RAB7A: variants seen among roughly 807,000 people sequenced by gnomAD.
The protein encoded by RAB7A is RAB7A, member RAS oncogene family.
In RAB7A, 2 loss-of-function variants were observed where a neutral mutation model predicts 24.5. That is an observed-to-expected ratio of 0.08 (90% CI 0.03 to 0.26). RAB7A has a LOEUF of 0.26. RAB7A is among the 10% of genes least tolerant of loss of function. The probability of loss-of-function intolerance (pLI) is 1.00; values close to 1 mark genes in which losing one functional copy is unlikely to be tolerated. For synonymous variants in RAB7A, 100 were observed against 95.9 expected (o/e 1.04, Z -0.25); for missense variants, 118 against 255.7 (o/e 0.46, Z 3.67).
At chr3:128,738,121 C>G (rs938375770) in intron 1 of RAB7A, among the ~76,000 whole-genome samples, 1 of 152,054 alleles carries the variant, frequency 6.6e-6, no homozygotes, top group African/African-American at 2.4e-5. Context: ...CAGCCTTGAC[C>G]TCTTGAGCTC....
intron 1 of RAB7A, among the ~76,000 whole-genome samples, chr3:128,727,453 C>G (rs1028792817): frequency 6.6e-6 from 1 of 152,236 alleles, no homozygotes; most frequent in African/African-American, 2.4e-5. Context: ...CACCTCCTTT[C>G]TTTCTATTGA....
chr3:128,763,208 A>ATATATATATAT (rs373993932), intron 1 of RAB7A, among the ~76,000 whole-genome samples: 3 of 76,062 alleles, frequency 3.9e-5, no homozygotes, highest in African/African-American at 2.4e-4. Flanking sequence ...ATATATATAT[A>ATATATATATAT]TTTTTTTTTT....
intron 1 of RAB7A, among the ~76,000 whole-genome samples, chr3:128,736,634 A>G (rs1011149332): frequency 9.2e-5 from 14 of 152,218 alleles, no homozygotes; most frequent in African/African-American, 3.1e-4. Flanking sequence ...AATCCAGCAC[A>G]TACAGATAAA....
At chr3:128,785,418 A>C in intron 1 of RAB7A, 1 of 152,190 alleles carries the variant, frequency 6.6e-6, no homozygotes, top group East Asian at 1.9e-4. Flanking sequence ...ACTGCACTCC[A>C]ACCTGGACAA....
At position 128,799,667 on chromosome 3, in the gene RAB7A, A is replaced by G. The variant is rs536243153; in HGVS notation, c.180+1598A>G. Among the ~76,000 whole-genome samples the G allele has an allele frequency of 2.0e-5, 3 of 152,336 alleles. No individual in the cohort carries two copies. In the East Asian group the frequency reaches 5.8e-4, roughly 29 times the overall value. ...ACACATACACCTAGAGATCTTCAAA[A>G]TGTAACTACAGTTTAAGCAAGTCAA... On this transcript the variant is annotated intron_variant, in intron 3 of 5. Coordinates refer to ENST00000265062, the MANE Select transcript of RAB7A (RefSeq NM_004637.6).
At chr3:128,795,851 A>T (rs1933561901) in intron 2 of RAB7A, among the ~76,000 whole-genome samples, 1 of 144,496 alleles carries the variant, frequency 6.9e-6, no homozygotes, top group Admixed American at 7.3e-5. Context: ...TCCCGGATTC[A>T]CGCCATTCTC....
chr3:128,812,112 A>G (rs999461275), intron 5 of RAB7A, among the ~76,000 whole-genome samples: 6 of 152,262 alleles, frequency 3.9e-5, no homozygotes, highest in Non-Finnish European at 8.8e-5. Context: ...ACTAAAAACC[A>G]TTGAATTGTA....
At position 128,763,213 on chromosome 3, in the gene RAB7A, T is replaced by A. The variant is rs1356128277; in HGVS notation, c.-8-32147T>A. On this transcript the variant is annotated intron_variant, in intron 1 of 5. Transcript: ENST00000265062. ...TTATATATATATATATATATATTTT[T>A]TTTTTTTTTTTTTTTTTTTGAGACG... 8.0e-4 allele frequency among the ~76,000 whole-genome samples: 94 copies of A among 116,810 alleles called. 1 individual carries two copies. In the East Asian group the frequency reaches 0.014, roughly 17 times the overall value. The allele number at this position is 116,810 out of a possible 152,430, so 76.6% of individuals were successfully genotyped here.
intron 1 of RAB7A, among the ~76,000 whole-genome samples, chr3:128,767,697 A>G (rs2107599290): frequency 6.6e-6 from 1 of 152,302 alleles, no homozygotes; most frequent in East Asian, 1.9e-4. Context: ...AGGTGCTAAC[A>G]CAACACAAGG....
At chr3:128,754,774 A>G (rs1312679224) in intron 1 of RAB7A, among the ~76,000 whole-genome samples, 5 of 152,316 alleles carry the variant, frequency 3.3e-5, no homozygotes, top group Non-Finnish European at 7.3e-5. Context: ...GACAAAATAT[A>G]CTTTAAATCA....
intron 1 of RAB7A, among the ~76,000 whole-genome samples, chr3:128,767,751 C>A (rs941303812): frequency 2.6e-5 from 4 of 152,184 alleles, no homozygotes; most frequent in African/African-American, 7.2e-5. Context: ...AAGCTGGAAT[C>A]CAGATTCAGC....
intron 1 of RAB7A, among the ~76,000 whole-genome samples, chr3:128,783,299 C>T (rs28655583): frequency 0.053 from 7,978 of 150,138 alleles, 616 homozygotes; most frequent in African/African-American, 0.17. Flanking sequence ...CCCAGGTAGT[C>T]ATGATTCAAG....
chr3:128,791,565 G>A (rs2107609279), intron 1 of RAB7A, among the ~76,000 whole-genome samples: 1 of 152,346 alleles, frequency 6.6e-6, no homozygotes, highest in South Asian at 2.1e-4. Flanking sequence ...TTCCCTGGGA[G>A]CTAGATAAGG....
At chr3:128,734,098 T>C (rs1306550646) in intron 1 of RAB7A, among the ~76,000 whole-genome samples, 1 of 152,160 alleles carries the variant, frequency 6.6e-6, no homozygotes, top group Non-Finnish European at 1.5e-5. Flanking sequence ...AGTTTGAGAC[T>C]ACCTCTTGTA....
intron 1 of RAB7A, among the ~76,000 whole-genome samples, chr3:128,778,564 A>G (rs1933146411): frequency 6.6e-6 from 1 of 152,210 alleles, no homozygotes; most frequent in Non-Finnish European, 1.5e-5. Context: ...GGCTAATCAT[A>G]CTTACGATGA....
In RAB7A at chr3:128,814,101, T is replaced by A. The variant is rs890121097; in HGVS notation, c.*679T>A. ...AAATGTATAAATTAGTGTAAGAAAT[T>A]CTTGGATTATGTGTTTAAGTCCTGT... On this transcript the variant is annotated 3_prime_UTR_variant, in exon 6 of 6. Transcript: ENST00000265062. 1 of 156,682 alleles carries A rather than the reference T, an allele frequency of 6.4e-6. No individual in the cohort carries two copies. The highest frequency in any genetic ancestry group is 2.4e-5 in the African/African-American group (1 of 41,490). The allele number at this position is 156,682 out of a possible 1,614,324, so 9.7% of individuals were successfully genotyped here.
chr3:128,743,326 A>G lies in RAB7A; in HGVS notation c.-9+16967A>G, dbSNP rs191361451. Among the ~76,000 whole-genome samples the G allele has an allele frequency of 2.6e-3, 402 of 152,308 alleles. 4 individuals carry two copies. Among genetic ancestry groups the G allele is most frequent in the African/African-American group, 9.1e-3 (378 of 41,578 alleles). ...TCTCCCTCCACAACTCCCTGCAAGC[A>G]GAGGGAGCCGGCTCCAGCCTTGGCC... is the stretch of plus-strand genomic sequence containing the variant. On this transcript the variant is annotated intron_variant, in intron 1 of 5. Transcript: ENST00000265062.
At chr3:128,737,428 C>T (rs1266695142) in intron 1 of RAB7A, among the ~76,000 whole-genome samples, 1 of 149,784 alleles carries the variant, frequency 6.7e-6, no homozygotes, top group Non-Finnish European at 1.5e-5. Context: ...ACTGCAGCCT[C>T]TGCCTCCCAG....
At chr3:128,774,663 C>G (rs898298222) in intron 1 of RAB7A, among the ~76,000 whole-genome samples, 1 of 152,192 alleles carries the variant, frequency 6.6e-6, no homozygotes, top group African/African-American at 2.4e-5. Flanking sequence ...AAGCTCCGCT[C>G]CCGGGTTCAC....
Sources: gnomAD v4.1 joint callset for allele counts (sites outside exome capture counted in the v4.1 genomes callset) on GRCh38, gnomAD v4.1.1 for gene constraint, MANE v1.5 for transcripts, NCBI Gene and HGNC (gene_info 2026-07-23, HGNC 2026-07-21) for gene names.